ANKRD55: variants seen among roughly 807,000 people sequenced by gnomAD.
ANKRD55 encodes the protein ankyrin repeat domain-containing protein 55.
A neutral mutation model predicts 60.6 loss-of-function variants in ANKRD55; 41 were observed. That is an observed-to-expected ratio of 0.68 (90% confidence interval 0.53 to 0.88). The LOEUF (loss-of-function observed/expected upper bound fraction) is 0.88. ANKRD55 is among the 40% of genes least tolerant of loss of function. The pLI is 0.00. For synonymous variants in ANKRD55, 264 were observed against 290.3 expected (o/e 0.91, Z 0.92); for missense variants, 732 against 767.6 (o/e 0.95, Z 0.55).
chr5:56,129,053 G>A (rs1757345228), intron 7 of ANKRD55, among the ~76,000 whole-genome samples: 2 of 152,170 alleles, frequency 1.3e-5, no homozygotes, highest in Admixed American at 6.5e-5. Flanking sequence ...GCACCCTCAG[G>A]AGAATTTCAG....
intron 8 of ANKRD55, among the ~76,000 whole-genome samples, chr5:56,126,130 T>C (rs1757247046): frequency 6.6e-6 from 1 of 151,506 alleles, no homozygotes; most frequent in Admixed American, 6.6e-5. Context: ...CGAGACTCCA[T>C]CTCAAAAAAA....
Position 56,100,293 on chromosome 5 carries a change from C to T in ANKRD55, c.1735G>A (p.Glu579Lys), listed in dbSNP as rs765371260. Residue 579 changes from glutamate to lysine, a missense_variant, in exon 12 of 12, where the codon GAA (glutamate) becomes AAA (lysine). Glu to Lys is a moderately conservative substitution (Grantham distance 56, BLOSUM62 1). This residue lies in a region of ANKRD55 where 597 missense variants were observed against 607.5 expected (regional missense o/e 0.98). Transcript: ENST00000341048. ...AGCACTCGGTTTGTCCGCAGAGGTT[C>T]TCCAGATAGAACTGGGAAGAAAGAA... ...PLPDQKFLSG[E>K]PLRTNRVLPA... 6.2e-7 allele frequency: 1 copy of T among 1,614,156 alleles called. No individual in the cohort carries two copies.
At chr5:56,160,441 G>A (rs1758298874) in intron 5 of ANKRD55, among the ~76,000 whole-genome samples, 2 of 152,038 alleles carry the variant, frequency 1.3e-5, no homozygotes, top group African/African-American at 2.4e-5. Flanking sequence ...GGGTTTCACC[G>A]TGTTAGCCAG....
intron 9 of ANKRD55, among the ~76,000 whole-genome samples, chr5:56,112,390 G>T (rs981391536): frequency 2.6e-5 from 4 of 151,414 alleles, no homozygotes; most frequent in African/African-American, 7.3e-5. Flanking sequence ...CTGAAGAACA[G>T]GTACGGTGGC....
chr5:56,174,921 T>G (rs552442806), intron 4 of ANKRD55, among the ~76,000 whole-genome samples: 1 of 150,864 alleles, frequency 6.6e-6, no homozygotes, highest in Non-Finnish European at 1.5e-5. Flanking sequence ...GCTCCCAGAG[T>G]ATCTGACTCA....
At chr5:56,190,109 T>C (rs1759058943) in intron 2 of ANKRD55, among the ~76,000 whole-genome samples, 1 of 152,236 alleles carries the variant, frequency 6.6e-6, no homozygotes, top group South Asian at 2.1e-4. Context: ...CAAGTGCTTA[T>C]TGGCTATAGG....
At chr5:56,112,698 C>T (rs1304946525) in intron 9 of ANKRD55, among the ~76,000 whole-genome samples, 4 of 151,994 alleles carry the variant, frequency 2.6e-5, no homozygotes, top group Non-Finnish European at 5.9e-5. Context: ...TGTTTGTGTT[C>T]CTTAGAAAAT....
rs1554040791 is a variant in ANKRD55 at position 56,166,103 on chromosome 5, T to TTTCTTTCTTTCTTTCTTTC, written c.422+4572_422+4590dup. Among the ~76,000 whole-genome samples, 326 of 50,774 alleles carry TTTCTTTCTTTCTTTCTTTC rather than the reference T, an allele frequency of 6.4e-3. 5 individuals carry two copies. The highest frequency in any genetic ancestry group is 9.8e-3 in the South Asian group (13 of 1,320). 33.3% of individuals were successfully genotyped at this position (50,774 alleles called of 152,430 possible). A position where few individuals can be genotyped will look rare whatever the true frequency, so the allele number is the denominator to read the frequency against. ...TCTTTTCTTTTTCTTTCTTTCTTTC[T>TTTCTTTCTTTCTTTCTTTC]TTCTTTCTTTCTTTCTTTCTTTCTT... On this transcript the variant is annotated intron_variant, in intron 5 of 11. Coordinates refer to ENST00000341048, the MANE Select transcript of ANKRD55 (RefSeq NM_024669.3).
At chr5:56,202,346 T>A (rs569618993) in intron 2 of ANKRD55, among the ~76,000 whole-genome samples, 1 of 152,312 alleles carries the variant, frequency 6.6e-6, no homozygotes, top group East Asian at 1.9e-4. Context: ...TGCCTGTTGT[T>A]ATTATTATCC....
chr5:56,210,424 C>T (rs1450281386), intron 2 of ANKRD55, among the ~76,000 whole-genome samples: 15 of 151,476 alleles, frequency 9.9e-5, no homozygotes, highest in East Asian at 3.9e-4. Context: ...TAGCCGGGTG[C>T]GGTGGCGGGC....
At chr5:56,116,562 A>G (rs1202634241) in intron 9 of ANKRD55, 53 bp downstream of exon 9, 1 of 1,375,264 alleles carries the variant, frequency 7.3e-7, no homozygotes, top group Non-Finnish European at 9.5e-7. Context: ...TTTCATCCAA[A>G]TTTATAAATA....
At chr5:56,203,315 A>G (rs1759422345) in intron 2 of ANKRD55, among the ~76,000 whole-genome samples, 1 of 152,130 alleles carries the variant, frequency 6.6e-6, no homozygotes, top group Non-Finnish European at 1.5e-5. Flanking sequence ...GTGAGTTCTC[A>G]TGAGATCTGA....
chr5:56,197,080 G>C (rs1561288592), intron 2 of ANKRD55, among the ~76,000 whole-genome samples: 1 of 152,182 alleles, frequency 6.6e-6, no homozygotes, highest in Non-Finnish European at 1.5e-5. Context: ...GGTGCAAATA[G>C]TGTTTGAAGC....
intron 2 of ANKRD55, among the ~76,000 whole-genome samples, chr5:56,217,634 C>T (rs1759846254): frequency 6.6e-6 from 1 of 152,148 alleles, no homozygotes; most frequent in African/African-American, 2.4e-5. Flanking sequence ...GTGGCTCATG[C>T]CTGTAATCCC....
chr5:56,208,274 G>A (rs939886126), intron 2 of ANKRD55, among the ~76,000 whole-genome samples: 16 of 150,552 alleles, frequency 1.1e-4, no homozygotes, highest in East Asian at 1.9e-4. Flanking sequence ...CTTCTTGTTC[G>A]CTTAAAAAAT....
chr5:56,127,410 A>G (rs931004221), intron 7 of ANKRD55: 2 of 985,038 alleles, frequency 2.0e-6, no homozygotes, highest in African/African-American at 3.5e-5. Flanking sequence ...CTGACGTCAG[A>G]GCTAGAGTGA....
chr5:56,166,121 T>TCTTCTTTCTTTCTTTCTTC (rs1758456895), intron 5 of ANKRD55, among the ~76,000 whole-genome samples: 1 of 90,856 alleles, frequency 1.1e-5, no homozygotes, highest in Non-Finnish European at 2.1e-5. Context: ...TTTCTTTCTT[T>TCTTCTTTCTTTCTTTCTTC]CTTTCTTTCT....
At chr5:56,209,062 A>G (rs1041793257) in intron 2 of ANKRD55, among the ~76,000 whole-genome samples, 3 of 151,776 alleles carry the variant, frequency 2.0e-5, no homozygotes, top group African/African-American at 7.3e-5. Context: ...GGTTCAAGCG[A>G]TTCTCCTGCC....
chr5:56,213,737 C>T (rs536408441), intron 2 of ANKRD55, among the ~76,000 whole-genome samples: 12 of 152,240 alleles, frequency 7.9e-5, no homozygotes, highest in East Asian at 3.9e-4. Flanking sequence ...GTCGTAGTCT[C>T]GGAAGATAGA....
Sources: allele counts gnomAD v4.1 joint callset (sites outside exome capture counted in the v4.1 genomes callset), GRCh38; gene constraint gnomAD v4.1.1; regional missense constraint gnomAD v4.1.1; transcripts MANE v1.5; gene names NCBI Gene and HGNC (gene_info 2026-07-23, HGNC 2026-07-21).